Variants in SLC40A1 observed in about 807,000 individuals in gnomAD.
SLC40A1 encodes ferroportin.
In SLC40A1, 16 loss-of-function variants were observed where a neutral mutation model predicts 53.5. That is an observed-to-expected ratio of 0.30 (90% confidence interval 0.20 to 0.45). The LOEUF is 0.45. Among genes scored for constraint, SLC40A1 ranks in the 20% least tolerant of loss-of-function variants. The probability of loss-of-function intolerance (pLI) is 1.00; values close to 1 mark genes in which losing one functional copy is unlikely to be tolerated. For missense variants in SLC40A1, 545 were observed against 695.4 expected (o/e 0.78, Z 2.43); for synonymous variants, 247 against 253.2 (o/e 0.98, Z 0.23).
intron 2 of SLC40A1, among the ~76,000 whole-genome samples, chr2:189,579,587 GTCTA>G (rs376103468): frequency 6.6e-6 from 1 of 152,276 alleles, no homozygotes; most frequent in African/African-American, 2.4e-5. Context: ...CTGGATAGTT[GTCTA>G]TCTACATAAA....
Position 189,565,614 on chromosome 2 carries a change from G to T in SLC40A1, c.515-15C>A. The T allele has an allele frequency of 6.2e-7, 1 of 1,614,150 alleles. No homozygotes were observed. The highest frequency in any genetic ancestry group is 8.5e-7 in the Non-Finnish European group (1 of 1,180,030). ...GGCATTCATATCTAGAGAGGCAGGT[G>T]AAAGAGGCAGGTAAGTGTGCAAACC... On this transcript the variant is annotated splice_polypyrimidine_tract_variant and intron_variant, in intron 5 of 7. Transcript: ENST00000261024.
At chr2:189,565,782 A>C (rs932228576) in intron 5 of SLC40A1, among the ~76,000 whole-genome samples, 183 bp from the exon 6 acceptor site, 1 of 152,240 alleles carries the variant, frequency 6.6e-6, no homozygotes, top group African/African-American at 2.4e-5. Context: ...AGTCCCACTA[A>C]ATTTGCCTCA....
chr2:189,565,378 A>G lies in SLC40A1; in HGVS notation c.736T>C (p.Leu246=). 2 of 1,614,258 alleles carry G rather than the reference A, an allele frequency of 1.2e-6. No homozygotes were observed. Among genetic ancestry groups the G allele is most frequent in the Non-Finnish European group, 1.7e-6 (2 of 1,180,040 alleles). Residue 246 remains leucine, a synonymous_variant, in exon 6 of 8, where the codon TTG becomes CTG. Transcript: ENST00000261024. ...KAGLKEEETE[L]KQLNLHKDTE... ...CCTTTGTGTAAATTCAGCTGTTTCA[A>G]TTCAGTTTCCTCTTCTTTAAGACCA... is the stretch of plus-strand genomic sequence containing the variant.
rs1204561648 is a variant in SLC40A1, at chr2:189,561,698, A to G, written c.*180T>C. 1.6e-6 allele frequency: 1 copy of G among 609,052 alleles called. No homozygotes were observed. The highest frequency in any genetic ancestry group is 2.9e-6 in the Non-Finnish European group (1 of 347,164). 37.7% of individuals were successfully genotyped at this position (609,052 alleles called of 1,614,324 possible). A position where few individuals can be genotyped will look rare whatever the true frequency, so the allele number is the denominator to read the frequency against. On this transcript the variant is annotated 3_prime_UTR_variant, in exon 8 of 8. Transcript: ENST00000261024. ...CAATTTTTTTTCCATGCCTCAACAT[A>G]AGGGAAATTAATCAGTTAATTTCTG...
chr2:189,576,154 G>A (rs2031279653), intron 2 of SLC40A1, among the ~76,000 whole-genome samples: 1 of 152,038 alleles, frequency 6.6e-6, no homozygotes, highest in African/African-American at 2.4e-5. Context: ...AATCTACAGT[G>A]GACCTTATTA....
At chr2:189,579,466 T>C (rs940343563) in intron 2 of SLC40A1, among the ~76,000 whole-genome samples, 4 of 152,176 alleles carry the variant, frequency 2.6e-5, no homozygotes, top group African/African-American at 9.7e-5. Flanking sequence ...GAAGAGAAGG[T>C]ATATGAGACA....
intron 4 of SLC40A1, among the ~76,000 whole-genome samples, chr2:189,572,068 T>C (rs1217501327): frequency 6.6e-6 from 1 of 152,160 alleles, no homozygotes; most frequent in African/African-American, 2.4e-5. Context: ...GTAGTACACA[T>C]AATACAAAAA....
chr2:189,573,347 A>C (rs1267362560), intron 3 of SLC40A1, among the ~76,000 whole-genome samples: 2 of 152,232 alleles, frequency 1.3e-5, no homozygotes, highest in East Asian at 3.8e-4. Flanking sequence ...GAGGTTAAAG[A>C]GGAAGTTATG....
Position 189,568,811 on chromosome 2 carries a change from T to G in SLC40A1, c.514+2904A>C, listed in dbSNP as rs995033280. Reference sequence around the variant, plus strand: ...GAACACAAAATTTATCTGCCATACTTGATCAAGCTAACTGGCAGATTATTT... The same window carrying G: ...GAACACAAAATTTATCTGCCATACTGGATCAAGCTAACTGGCAGATTATTT... On this transcript the variant is annotated intron_variant, in intron 5 of 7. Coordinates refer to ENST00000261024, the MANE Select transcript of SLC40A1 (RefSeq NM_014585.6). Among the ~76,000 whole-genome samples the G allele has an allele frequency of 5.3e-5, 8 of 152,194 alleles. No individual in the cohort carries two copies. In the East Asian group the frequency reaches 1.5e-3, roughly 29 times the overall value.
Position 189,565,045 on chromosome 2 carries a change from C to G in SLC40A1, c.760+309G>C, listed in dbSNP as rs77399067. Among the ~76,000 whole-genome samples, 493 of 152,192 alleles carry G rather than the reference C, an allele frequency of 3.2e-3. 7 individuals are homozygous for G. The highest frequency in any genetic ancestry group is 0.011 in the African/African-American group (475 of 41,538). The stretch of plus-strand genomic sequence containing the variant: ...TTCTCTCATTCTCTTTTTTTCCCCA[C>G]ATTTTTTCCCAGTCCTATGACTTAG... On this transcript the variant is annotated intron_variant, in intron 6 of 7. Coordinates refer to ENST00000261024, the MANE Select transcript of SLC40A1 (RefSeq NM_014585.6).
intron 1 of SLC40A1, 71 bp downstream of exon 1, chr2:189,580,347 T>G: frequency 6.9e-7 from 1 of 1,442,336 alleles, no homozygotes; most frequent in African/African-American, 1.4e-5. Flanking sequence ...CCTCCAGAAC[T>G]CGTGTAGAGT....
Position 189,564,154 on chromosome 2 carries a change from G to T in SLC40A1, c.832C>A (p.His278Asn), listed in dbSNP as rs1487605159. Residue 278 changes from histidine to asparagine, a missense_variant, in exon 7 of 8, where the codon CAT becomes AAT. Physicochemically the swap from His to Asn is moderately conservative, Grantham distance 68 (BLOSUM62 1). Around this residue, in one of 4 missense-constraint regions of SLC40A1, gnomAD observed 107 missense variants for 91.0 expected, o/e 1.18. Transcript: ENST00000261024. ...VKDSNIHELE[H>N]EQEPTCASQM... ...GAGGCACAAGTAGGCTCTTGCTCAT[G>T]TTCAAGCTCATGGATGTTAGAGTCT... The T allele has an allele frequency of 6.2e-7, 1 of 1,613,074 alleles. No homozygotes were observed. Among genetic ancestry groups the T allele is most frequent in the East Asian group, 2.2e-5 (1 of 44,892 alleles).
intron 2 of SLC40A1, among the ~76,000 whole-genome samples, chr2:189,576,163 T>G (rs555024288): frequency 3.9e-5 from 6 of 152,178 alleles, no homozygotes; most frequent in Non-Finnish European, 8.8e-5. Context: ...TGGACCTTAT[T>G]ATGAGATTTT....
Position 189,562,075 on chromosome 2 carries a change from G to T in SLC40A1, c.1519C>A (p.His507Asn). ...NSMNYLLDLL[H>N]FIMVILAPNP... ...GGAGCCAGGATGACCATGATGAAAT[G>T]CAGAAGATCAAGAAGATAGTTCATG... The change falls in exon 8 of 8, where the codon CAT becomes AAT. Residue 507 changes from histidine (H) to asparagine (N), a missense_variant. His to Asn is a moderately conservative substitution (Grantham distance 68). Around this residue, in one of 4 missense-constraint regions of SLC40A1, gnomAD observed 234 missense variants for 299.0 expected, o/e 0.78. Transcript: ENST00000261024. 2 of 1,614,020 alleles carry T rather than the reference G, an allele frequency of 1.2e-6. No individual in the cohort carries two copies. The highest frequency in any genetic ancestry group is 1.7e-6 in the Non-Finnish European group (2 of 1,179,904).
At chr2:189,572,311 C>A (rs1174714135) in intron 4 of SLC40A1, among the ~76,000 whole-genome samples, 2 of 152,114 alleles carry the variant, frequency 1.3e-5, no homozygotes, top group Non-Finnish European at 2.9e-5. Context: ...TTTCTAAAGT[C>A]CTACCTGGCT....
chr2:189,564,140 A>G lies in SLC40A1; in HGVS notation c.846T>C (p.Pro282=), dbSNP rs763703768. 2 of 1,612,272 alleles carry G rather than the reference A, an allele frequency of 1.2e-6. No homozygotes were observed. The highest frequency in any genetic ancestry group is 2.2e-5 in the East Asian group (1 of 44,878). ...GCTCAGCCATCTGGGAGGCACAAGT[A>G]GGCTCTTGCTCATGTTCAAGCTCAT... The part of the protein sequence containing the change: ...NIHELEHEQE[P]TCASQMAEPF... Residue 282 remains proline (P), a synonymous_variant, in exon 7 of 8, where the codon CCT becomes CCC. Coordinates refer to ENST00000261024, the MANE Select transcript of SLC40A1 (RefSeq NM_014585.6).
intron 5 of SLC40A1, 92 bp from the exon 6 acceptor site, chr2:189,565,691 A>G (rs1159767672): frequency 6.6e-7 from 1 of 1,525,936 alleles, no homozygotes; most frequent in Non-Finnish European, 9.1e-7. Flanking sequence ...AACCAAGAGT[A>G]TAGATTCCTA....
intron 5 of SLC40A1, among the ~76,000 whole-genome samples, chr2:189,567,106 G>A (rs2030960550): frequency 6.6e-6 from 1 of 152,162 alleles, no homozygotes; most frequent in Non-Finnish European, 1.5e-5. Flanking sequence ...TTTTAAGCTG[G>A]GTAAGAAAGA....
chr2:189,571,632 C>T, intron 5 of SLC40A1, 83 bp downstream of exon 5: 1 of 1,556,196 alleles, frequency 6.4e-7, no homozygotes, highest in South Asian at 1.2e-5. Context: ...AACAAAAATA[C>T]AAGGCTTACA....
Sources: allele counts gnomAD v4.1 joint callset (sites outside exome capture counted in the v4.1 genomes callset), GRCh38; gene constraint gnomAD v4.1.1; regional missense constraint gnomAD v4.1.1; transcripts MANE v1.5; gene names NCBI Gene and HGNC (gene_info 2026-07-23, HGNC 2026-07-21).